Variants in LRRC7 observed in about 807,000 individuals in gnomAD.
LRRC7 encodes leucine rich repeat containing 7.
LRRC7 carries 23 observed loss-of-function variants against 175.7 expected under a neutral mutation model. The observed-to-expected ratio is 0.13, with a 90% CI of 0.09 to 0.19. LRRC7 has a LOEUF of 0.19. LRRC7 is among the 10% of genes least tolerant of loss of function. The pLI, the probability that LRRC7 is intolerant of heterozygous loss-of-function variation, is 1.00. For synonymous variants in LRRC7, 685 were observed against 680.9 expected, an observed-to-expected ratio of 1.01 and a Z score of -0.09; for missense variants, 1,354 against 1,904.7, an observed-to-expected ratio of 0.71 and a Z score of 5.38.
At chr1:70,015,832 A>G (rs1329567924) in intron 13 of LRRC7, among the ~76,000 whole-genome samples, 1 of 152,138 alleles carries the variant, frequency 6.6e-6, no homozygotes, top group Non-Finnish European at 1.5e-5. Context: ...GGTCAACATA[A>G]TATTGGGAGC....
intron 7 of LRRC7, among the ~76,000 whole-genome samples, chr1:69,908,813 C>T (rs1557875820): frequency 7.0e-6 from 1 of 142,728 alleles, no homozygotes. Context: ...GAGTTCAATT[C>T]CTGGGTATCC....
chr1:69,917,852 T>C (rs189633641), intron 7 of LRRC7, among the ~76,000 whole-genome samples: 3 of 152,328 alleles, frequency 2.0e-5, no homozygotes, highest in East Asian at 1.9e-4. Context: ...TATAAGATTA[T>C]GTGCATAATG....
intron 20 of LRRC7, among the ~76,000 whole-genome samples, chr1:70,037,693 C>T (rs1180680391): frequency 6.6e-6 from 1 of 152,154 alleles, no homozygotes; most frequent in Admixed American, 6.5e-5. Flanking sequence ...TTCTAATTAT[C>T]AGTCAGGTTT....
intron 25 of LRRC7, among the ~76,000 whole-genome samples, chr1:70,100,098 G>C (rs977190437): frequency 6.6e-6 from 1 of 152,034 alleles, no homozygotes; most frequent in Non-Finnish European, 1.5e-5. Context: ...TCCCAGACAT[G>C]TTTAATTGTT....
chr1:69,929,787 G>T (rs1193480271), intron 7 of LRRC7, among the ~76,000 whole-genome samples: 2 of 152,046 alleles, frequency 1.3e-5, no homozygotes. Flanking sequence ...AAACCTTTCA[G>T]TGGCCCCCTA....
In LRRC7 at chr1:70,138,541, T is replaced by A. The variant is rs1666954445; in HGVS notation, c.*16654T>A. The A allele has an allele frequency of 1.3e-5, 2 of 152,224 alleles. No individual in the cohort carries two copies. Among genetic ancestry groups the A allele is most frequent in the Admixed American group, 6.5e-5 (1 of 15,278 alleles). 9.4% of individuals were successfully genotyped at this position (152,224 alleles called of 1,614,324 possible). On this transcript the variant is annotated 3_prime_UTR_variant, in exon 27 of 27. Coordinates refer to ENST00000651989, the MANE Select transcript of LRRC7 (RefSeq NM_001370785.2). ...AACTACAGAAGTTATGTCTATTAAC[T>A]CTTTAAGGTACATGATATAGCAAAT...
At chr1:69,673,231 A>G (rs1382433733) in intron 1 of LRRC7, among the ~76,000 whole-genome samples, 1 of 152,208 alleles carries the variant, frequency 6.6e-6, no homozygotes, top group Non-Finnish European at 1.5e-5. Context: ...TACTGGGAAA[A>G]TCACTCCTTG....
chr1:69,646,465 A>G (rs1655022519), intron 1 of LRRC7, among the ~76,000 whole-genome samples: 1 of 152,160 alleles, frequency 6.6e-6, no homozygotes, highest in Non-Finnish European at 1.5e-5. Context: ...GATATTAGGG[A>G]CTTACCAATA....
rs565828009 is a variant in LRRC7, at chr1:70,138,610, A to C, written c.*16723A>C. On this transcript the variant is annotated 3_prime_UTR_variant, in exon 27 of 27. Coordinates refer to ENST00000651989, the MANE Select transcript of LRRC7 (RefSeq NM_001370785.2). The stretch of plus-strand genomic sequence containing the variant: ...ATAGAAAGTTGAGAGGATTAATCAA[A>C]TTGTTTCAAAATTTTTAAGGAGCCA... 8 of 152,356 alleles carry C rather than the reference A, an allele frequency of 5.3e-5. No individual in the cohort carries two copies. Among genetic ancestry groups the C allele is most frequent in the African/African-American group, 1.9e-4 (8 of 41,586 alleles). The allele number at this position is 152,356 out of a possible 1,614,324, so 9.4% of individuals were successfully genotyped here.
At chr1:70,020,005 A>T (rs1657317014) in intron 15 of LRRC7, among the ~76,000 whole-genome samples, 1 of 152,018 alleles carries the variant, frequency 6.6e-6, no homozygotes. Flanking sequence ...ATTTGTCCCA[A>T]GGTAGATTCA....
rs754761512 is a variant in LRRC7 at position 70,133,615 on chromosome 1, CAA to C, written c.*11729_*11730del. Among the ~76,000 whole-genome samples the C allele has an allele frequency of 3.3e-5, 5 of 152,048 alleles. No homozygotes were observed. The highest frequency in any genetic ancestry group is 5.9e-5 in the Non-Finnish European group (4 of 67,982). On this transcript the variant is annotated 3_prime_UTR_variant, in exon 27 of 27. Coordinates refer to ENST00000651989, the MANE Select transcript of LRRC7 (RefSeq NM_001370785.2). ...AAATTTACACAATTTAAGAAAAAAA[CAA>C]GAGCTTTGAGCTTATTTTAGGCAGT...
chr1:69,781,998 C>G (rs1673817691), intron 3 of LRRC7, among the ~76,000 whole-genome samples: 1 of 151,994 alleles, frequency 6.6e-6, no homozygotes, highest in Non-Finnish European at 1.5e-5. Flanking sequence ...TTTGTACCCA[C>G]ACAGAACTGA....
At chr1:69,937,954 CT>C (rs952048800) in intron 8 of LRRC7, among the ~76,000 whole-genome samples, 3 of 151,340 alleles carry the variant, frequency 2.0e-5, no homozygotes, top group African/African-American at 2.4e-5. Flanking sequence ...GTGTTTTCAC[CT>C]TTTTTTTAAC....
intron 8 of LRRC7, among the ~76,000 whole-genome samples, chr1:69,974,372 A>C (rs937488629): frequency 6.6e-6 from 1 of 152,198 alleles, no homozygotes; most frequent in African/African-American, 2.4e-5. Flanking sequence ...AGAAGTAGAT[A>C]AGAAAGTTTT....
At chr1:69,705,710 G>A (rs1426604959) in intron 2 of LRRC7, among the ~76,000 whole-genome samples, 1 of 152,182 alleles carries the variant, frequency 6.6e-6, no homozygotes, top group South Asian at 2.1e-4. Context: ...GGTTACAGGA[G>A]GCCATTTCAG....
chr1:70,001,840 C>T (rs1655564388), intron 11 of LRRC7, among the ~76,000 whole-genome samples: 1 of 151,998 alleles, frequency 6.6e-6, no homozygotes, highest in South Asian at 2.1e-4. Context: ...TGTTCCAGAC[C>T]TCATGTTTGG....
intron 23 of LRRC7, among the ~76,000 whole-genome samples, chr1:70,068,175 G>A (rs970218530): frequency 3.9e-5 from 6 of 151,990 alleles, no homozygotes; most frequent in Non-Finnish European, 7.4e-5. Context: ...GTACATTTAC[G>A]TCTGCTCCTG....
intron 7 of LRRC7, among the ~76,000 whole-genome samples, chr1:69,855,711 A>G (rs2101492060): frequency 6.6e-6 from 1 of 152,162 alleles, no homozygotes; most frequent in East Asian, 1.9e-4. Context: ...GATCTGTCTA[A>G]TGTTGACAGT....
chr1:69,584,397 G>T (rs1266913442), intron 1 of LRRC7, among the ~76,000 whole-genome samples: 1 of 151,952 alleles, frequency 6.6e-6, no homozygotes, highest in African/African-American at 2.4e-5. Flanking sequence ...ATTGTGTTTT[G>T]CCAACAGCTG....
Sources: allele counts gnomAD v4.1 joint callset (sites outside exome capture counted in the v4.1 genomes callset), GRCh38; gene constraint gnomAD v4.1.1; transcripts MANE v1.5; gene names NCBI Gene and HGNC (gene_info 2026-07-23, HGNC 2026-07-21).